Variants in RBFOX1 observed in about 807,000 individuals in gnomAD.
RBFOX1 encodes RNA binding fox-1 homolog 1.
RBFOX1 carries 8 observed loss-of-function variants against 57.7 expected under a neutral mutation model. That is an observed-to-expected ratio of 0.14 (90% CI 0.08 to 0.25). The LOEUF (loss-of-function observed/expected upper bound fraction) is 0.25. RBFOX1 is among the 10% of genes least tolerant of loss of function. The pLI, the probability that RBFOX1 is intolerant of heterozygous loss-of-function variation, is 1.00. For missense variants in RBFOX1, 611 were observed against 548.5 expected (o/e 1.11, Z -1.14); for synonymous variants, 326 against 222.4 (o/e 1.47, Z -4.15).
chr16:7,228,155 C>G (rs559077605), intron 4 of RBFOX1, among the ~76,000 whole-genome samples: 1 of 151,968 alleles, frequency 6.6e-6, no homozygotes, highest in African/African-American at 2.4e-5. Flanking sequence ...GTAAGTTCCG[C>G]GAGAGCAGGC....
chr16:5,701,688 C>A (rs2051054374), intron 3 of RBFOX1, among the ~76,000 whole-genome samples: 2 of 152,150 alleles, frequency 1.3e-5, no homozygotes, highest in African/African-American at 4.8e-5. Flanking sequence ...CCTGCCTTAG[C>A]CTCTCAAAAT....
At chr16:6,506,858 G>C (rs147956042) in intron 2 of RBFOX1, among the ~76,000 whole-genome samples, 1,647 of 152,166 alleles carry the variant, frequency 0.011, 22 homozygotes, top group African/African-American at 0.029. Flanking sequence ...ATGTTGGCCA[G>C]GCTGGTCTCA....
rs74726834 is a variant in RBFOX1, at chr16:6,694,527, T to C, written c.-16+39877T>C. ...AATTCCTAAGTGTTTTAGTTACATG[T>C]CCTTGAAGTTGTTTCTTTACACATT... On this transcript the variant is annotated intron_variant, in intron 3 of 15. Coordinates refer to ENST00000550418, the MANE Select transcript of RBFOX1 (RefSeq NM_018723.4). Among the ~76,000 whole-genome samples, 73 of 152,310 alleles carry C rather than the reference T, an allele frequency of 4.8e-4. 1 individual carries two copies. In the East Asian group the frequency reaches 0.013, roughly 27 times the overall value.
chr16:6,446,850 C>T (rs575963406), intron 2 of RBFOX1, among the ~76,000 whole-genome samples: 1 of 152,254 alleles, frequency 6.6e-6, no homozygotes, highest in Non-Finnish European at 1.5e-5. Context: ...TGCTTGTCAG[C>T]CACATAGCGC....
At chr16:6,216,174 A>G (rs2097334648) in intron 1 of RBFOX1, among the ~76,000 whole-genome samples, 1 of 152,074 alleles carries the variant, frequency 6.6e-6, no homozygotes. Context: ...AAAATAACTA[A>G]TGGGTACTGG....
At chr16:7,223,149 G>A (rs1353541895) in intron 4 of RBFOX1, among the ~76,000 whole-genome samples, 1 of 152,240 alleles carries the variant, frequency 6.6e-6, no homozygotes, top group Non-Finnish European at 1.5e-5. Flanking sequence ...TAGAAGGGCT[G>A]AAGCGAAGGG....
At chr16:7,270,415 A>G (rs773063499) in intron 4 of RBFOX1, among the ~76,000 whole-genome samples, 11 of 152,234 alleles carry the variant, frequency 7.2e-5, no homozygotes, top group Admixed American at 7.2e-4. Flanking sequence ...ACATCTAACA[A>G]TGATAAAGGA....
intron 1 of RBFOX1, among the ~76,000 whole-genome samples, chr16:5,428,972 C>A (rs1201304616): frequency 6.6e-6 from 1 of 152,084 alleles, no homozygotes. Flanking sequence ...CTTTTCCTCT[C>A]TTCCTAACAA....
At chr16:7,084,192 G>A (rs1240893419) in intron 4 of RBFOX1, among the ~76,000 whole-genome samples, 1 of 152,268 alleles carries the variant, frequency 6.6e-6, no homozygotes, top group African/African-American at 2.4e-5. Flanking sequence ...AAGGCATTCA[G>A]ATGCAATTAA....
chr16:7,432,570 G>T (rs1445834319), intron 4 of RBFOX1, among the ~76,000 whole-genome samples: 1 of 152,168 alleles, frequency 6.6e-6, no homozygotes, highest in East Asian at 1.9e-4. Context: ...AGCTTTGTGG[G>T]CCATCTGGTC....
intron 4 of RBFOX1, among the ~76,000 whole-genome samples, chr16:7,371,779 A>G (rs920134037): frequency 3.3e-5 from 5 of 152,182 alleles, no homozygotes; most frequent in African/African-American, 9.7e-5. Context: ...ATGTAGATAT[A>G]TGATACATAC....
chr16:7,033,871 G>T (rs541645468), intron 3 of RBFOX1, among the ~76,000 whole-genome samples: 1 of 152,070 alleles, frequency 6.6e-6, no homozygotes, highest in African/African-American at 2.4e-5. Flanking sequence ...CAGGAGGCTG[G>T]GGCAGGAGGA....
At chr16:5,590,833 G>C (rs4786727) in intron 2 of RBFOX1, among the ~76,000 whole-genome samples, 1,819 of 152,270 alleles carry the variant, frequency 0.012, 15 homozygotes, top group Non-Finnish European at 0.019. Flanking sequence ...TGCAGTGATT[G>C]ATTAGTACTG....
intron 4 of RBFOX1, among the ~76,000 whole-genome samples, chr16:7,091,523 C>T (rs1270530719): frequency 1.4e-5 from 2 of 145,316 alleles, no homozygotes; most frequent in Non-Finnish European, 3.1e-5. Context: ...GTAGTTCAGT[C>T]ACTTAAAAAA....
intron 3 of RBFOX1, among the ~76,000 whole-genome samples, chr16:5,784,872 G>C (rs942768520): frequency 6.6e-6 from 1 of 152,098 alleles, no homozygotes; most frequent in Non-Finnish European, 1.5e-5. Context: ...GAATCTCCCG[G>C]TGCGTTGATC....
chr16:6,389,000 T>A (rs1042764388), intron 2 of RBFOX1, among the ~76,000 whole-genome samples: 1 of 152,154 alleles, frequency 6.6e-6, no homozygotes, highest in Non-Finnish European at 1.5e-5. Context: ...AGCTAAGCCT[T>A]AACCCTTTTA....
At chr16:7,241,933 AT>A (rs1236664255) in intron 4 of RBFOX1, among the ~76,000 whole-genome samples, 1 of 152,156 alleles carries the variant, frequency 6.6e-6, no homozygotes, top group Admixed American at 6.5e-5. Context: ...ATACCTAAAT[AT>A]GTATATCTGC....
chr16:7,510,789 A>G (rs1453428058), intron 4 of RBFOX1, among the ~76,000 whole-genome samples: 1 of 152,198 alleles, frequency 6.6e-6, no homozygotes, highest in African/African-American at 2.4e-5. Flanking sequence ...AAGAATGGAT[A>G]GTTTTCCTCC....
chr16:6,681,315 C>T (rs554708772), intron 3 of RBFOX1, among the ~76,000 whole-genome samples: 7 of 149,478 alleles, frequency 4.7e-5, no homozygotes, highest in Non-Finnish European at 8.9e-5. Context: ...AAGAGCCTGT[C>T]TGGAAAAAAA....
Sources: allele counts gnomAD v4.1 joint callset (sites outside exome capture counted in the v4.1 genomes callset), GRCh38; gene constraint gnomAD v4.1.1; transcripts MANE v1.5; gene names NCBI Gene and HGNC (gene_info 2026-07-23, HGNC 2026-07-21).